IL1R1: variants seen among roughly 807,000 people sequenced by gnomAD.
The protein encoded by IL1R1 is interleukin 1 receptor type 1.
In IL1R1, 22 loss-of-function variants were observed where a neutral mutation model predicts 50.2. That is an observed-to-expected ratio of 0.44 (90% confidence interval 0.31 to 0.63). IL1R1 has a LOEUF of 0.63. IL1R1 is among the 20% of genes least tolerant of loss of function. IL1R1 has a pLI of 0.07. For missense variants in IL1R1, 509 were observed against 676.2 expected (o/e 0.75, Z 2.74); for synonymous variants, 251 against 236.7 (o/e 1.06, Z -0.55).
chr2:102,165,340 A>C (rs768749907), intron 5 of IL1R1, 36 bp downstream of exon 5: 1 of 1,212,526 alleles, frequency 8.2e-7, no homozygotes, highest in Admixed American at 2.7e-5. Flanking sequence ...TCACTTTTCC[A>C]GAAAATAAAA....
intron 1 of IL1R1, among the ~76,000 whole-genome samples, chr2:102,083,663 C>A (rs937938422): frequency 1.3e-5 from 2 of 152,036 alleles, no homozygotes; most frequent in African/African-American, 2.4e-5. Context: ...GTGGAAATAT[C>A]GGCCAGGTGT....
At chr2:102,133,412 CTG>C (rs1292947524) in intron 1 of IL1R1, among the ~76,000 whole-genome samples, 4 of 152,168 alleles carry the variant, frequency 2.6e-5, no homozygotes, top group Non-Finnish European at 5.9e-5. Flanking sequence ...CTCCCCAACT[CTG>C]TGAGGCTAAT....
At chr2:102,118,424 T>C (rs1263388106) in intron 1 of IL1R1, among the ~76,000 whole-genome samples, 1 of 152,200 alleles carries the variant, frequency 6.6e-6, no homozygotes, top group Non-Finnish European at 1.5e-5. Context: ...TGTGTTTCCC[T>C]GAGGTCTGTG....
At chr2:102,098,167 T>C (rs1364910431) in intron 1 of IL1R1, among the ~76,000 whole-genome samples, 1 of 152,098 alleles carries the variant, frequency 6.6e-6, no homozygotes, top group African/African-American at 2.4e-5. Context: ...AAAACTGTTA[T>C]TAATAGATGC....
intron 1 of IL1R1, among the ~76,000 whole-genome samples, chr2:102,095,265 GTT>G (rs1679847806): frequency 6.6e-6 from 1 of 152,132 alleles, no homozygotes; most frequent in African/African-American, 2.4e-5. Context: ...CTCAACTTGT[GTT>G]ATGGCAAAAA....
chr2:102,169,202 G>A (rs1255002780), intron 7 of IL1R1, among the ~76,000 whole-genome samples: 1 of 152,170 alleles, frequency 6.6e-6, no homozygotes, highest in Non-Finnish European at 1.5e-5. Context: ...AGTCGGAAGA[G>A]TAAGGCTACA....
At chr2:102,076,175 G>A (rs564035322) in intron 1 of IL1R1, among the ~76,000 whole-genome samples, 2,001 of 103,632 alleles carry the variant, frequency 0.019, 38 homozygotes, top group African/African-American at 0.069. Flanking sequence ...CTATTGCTTC[G>A]TATTCTTTTT....
intron 8 of IL1R1, chr2:102,172,388 T>C (rs1685766099): frequency 1.3e-5 from 13 of 985,378 alleles, no homozygotes; most frequent in Non-Finnish European, 1.2e-5. Context: ...AATCTCCTCT[T>C]GTTTAGTGTC....
intron 8 of IL1R1, 86 bp downstream of exon 8, chr2:102,172,004 G>T: frequency 3.6e-5 from 15 of 421,498 alleles, no homozygotes; most frequent in East Asian, 9.4e-5. Flanking sequence ...TTAAAAGCAA[G>T]TGTTAGTTGC....
intron 7 of IL1R1, among the ~76,000 whole-genome samples, chr2:102,169,738 A>G (rs886104793): frequency 2.0e-5 from 3 of 152,226 alleles, no homozygotes; most frequent in Non-Finnish European, 4.4e-5. Flanking sequence ...TCTTAGACAG[A>G]AACAAAAATG....
At chr2:102,108,841 A>G (rs1220320574) in intron 1 of IL1R1, among the ~76,000 whole-genome samples, 2 of 151,930 alleles carry the variant, frequency 1.3e-5, no homozygotes, top group East Asian at 3.9e-4. Context: ...ATGAATATCA[A>G]AAACTTTAAG....
rs201372352 is a variant in IL1R1, at chr2:102,178,502, T to C, written c.*1743T>C. The stretch of plus-strand genomic sequence containing the variant: ...TTTAAAAAAATCACACTCTAAGTTC[T>C]ATTGAACCTAGGACTTGAGCCTCCA... On this transcript the variant is annotated 3_prime_UTR_variant, in exon 12 of 12. Transcript: ENST00000410023. 2 of 152,386 alleles carry C rather than the reference T, an allele frequency of 1.3e-5. No homozygotes were observed. The highest frequency in any genetic ancestry group is 2.9e-5 in the Non-Finnish European group (2 of 68,042). The allele number at this position is 152,386 out of a possible 1,614,324, so 9.4% of individuals were successfully genotyped here.
Position 102,174,786 on chromosome 2 carries a change from G to T in IL1R1, c.1135+56G>T. Reference sequence around the variant, plus strand: ...TGTTGGAGATAAGGGATAGTTAGGAGATGTAGAAGATGACTAAGAGGGTTT... The same window carrying T: ...TGTTGGAGATAAGGGATAGTTAGGATATGTAGAAGATGACTAAGAGGGTTT... On this transcript the variant is annotated intron_variant, in intron 10 of 11. Coordinates refer to ENST00000410023, the MANE Select transcript of IL1R1 (RefSeq NM_000877.4). 3 of 1,427,526 alleles carry T rather than the reference G, an allele frequency of 2.1e-6. No individual in the cohort carries two copies. The South Asian group carries it at 4.0e-5, about 19-fold the overall frequency. 88.4% of individuals were successfully genotyped at this position (1,427,526 alleles called of 1,614,324 possible).
At chr2:102,114,452 C>T (rs1158945478) in intron 1 of IL1R1, among the ~76,000 whole-genome samples, 1 of 152,186 alleles carries the variant, frequency 6.6e-6, no homozygotes, top group Non-Finnish European at 1.5e-5. Context: ...GGAATGTGTA[C>T]TGGAACTTAA....
upstream of IL1R1, among the ~76,000 whole-genome samples, chr2:102,139,891 T>C (rs1304905887): frequency 1.3e-5 from 2 of 148,356 alleles, no homozygotes; most frequent in African/African-American, 2.4e-5. Flanking sequence ...TTTCAGGTAT[T>C]TTTTTATAGC....
intron 1 of IL1R1, among the ~76,000 whole-genome samples, chr2:102,096,181 G>A (rs1679896284): frequency 6.6e-6 from 1 of 152,044 alleles, no homozygotes; most frequent in Admixed American, 6.5e-5. Context: ...AATGAATTTG[G>A]GGACTTTTAC....
At chr2:102,119,088 T>C (rs1681259145) in intron 1 of IL1R1, among the ~76,000 whole-genome samples, 1 of 151,762 alleles carries the variant, frequency 6.6e-6, no homozygotes, top group Admixed American at 6.6e-5. Flanking sequence ...TTATTTTAGA[T>C]TACTCAAAAT....
At chr2:102,106,929 T>C (rs1012034852) in intron 1 of IL1R1, among the ~76,000 whole-genome samples, 3 of 152,162 alleles carry the variant, frequency 2.0e-5, no homozygotes, top group Non-Finnish European at 2.9e-5. Flanking sequence ...GTACTACAAC[T>C]AACACCCTTG....
chr2:102,096,088 A>G (rs1274608397), intron 1 of IL1R1, among the ~76,000 whole-genome samples: 2 of 152,220 alleles, frequency 1.3e-5, no homozygotes, highest in Non-Finnish European at 2.9e-5. Flanking sequence ...ATTCCTGTCA[A>G]TATATGTAGC....
Sources: allele counts gnomAD v4.1 joint callset (sites outside exome capture counted in the v4.1 genomes callset), GRCh38; gene constraint gnomAD v4.1.1; transcripts MANE v1.5; gene names NCBI Gene and HGNC (gene_info 2026-07-23, HGNC 2026-07-21).